Variants in RASEF observed in about 807,000 individuals in gnomAD.
RASEF encodes ras and EF-hand domain-containing protein.
Under a neutral mutation model 90.1 loss-of-function variants are expected in RASEF, and 68 were observed. The ratio of observed to expected loss-of-function variants is 0.75; its 90% CI spans 0.62 to 0.92. The LOEUF (loss-of-function observed/expected upper bound fraction) is 0.92. Among genes scored for constraint, RASEF ranks in the 40% least tolerant of loss-of-function variants. The probability of loss-of-function intolerance (pLI) is 0.00; values close to 1 mark genes in which losing one functional copy is unlikely to be tolerated. For missense variants in RASEF, 949 were observed against 937.2 expected, an observed-to-expected ratio of 1.01 and a Z score of -0.16; for synonymous variants, 331 against 345.2, an observed-to-expected ratio of 0.96 and a Z score of 0.46.
chr9:82,998,514 TCTTTAGATGAAGC>T (rs1451195465), intron 12 of RASEF, 68 bp from the exon 13 acceptor site: 7 of 1,026,368 alleles, frequency 6.8e-6, no homozygotes, highest in Non-Finnish European at 1.1e-5. Flanking sequence ...TTTCAAGCCT[TCTTTAGATGAAGC>T]AAAAGCCAAT....
chr9:83,172,227 T>C, the RASEF span, among the ~76,000 whole-genome samples: 1 of 151,802 alleles, frequency 6.6e-6, no homozygotes, highest in Non-Finnish European at 1.5e-5. Flanking sequence ...TTCATCTTCT[T>C]ATCAATTTCT....
chr9:83,016,138 C>A (rs1428013349), intron 3 of RASEF, among the ~76,000 whole-genome samples: 7 of 152,156 alleles, frequency 4.6e-5, no homozygotes, highest in Admixed American at 4.6e-4. Context: ...ACACACCTCA[C>A]CCGGGAGTGA....
intron 2 of RASEF, among the ~76,000 whole-genome samples, chr9:83,025,360 T>C (rs1014855476): frequency 6.6e-6 from 1 of 152,130 alleles, no homozygotes; most frequent in Non-Finnish European, 1.5e-5. Context: ...AAGATATTCA[T>C]CCTCATTTTG....
the RASEF span, among the ~76,000 whole-genome samples, chr9:83,218,484 C>G: frequency 6.6e-6 from 1 of 152,026 alleles, no homozygotes; most frequent in African/African-American, 2.4e-5. Context: ...TCCTAGGACT[C>G]CATCATACCC....
chr9:83,144,023 C>T, the RASEF span, among the ~76,000 whole-genome samples: 1 of 151,960 alleles, frequency 6.6e-6, no homozygotes, highest in Non-Finnish European at 1.5e-5. Context: ...GAGGTGGAGG[C>T]CATTATCCTA....
chr9:83,048,895 G>A (rs1291971531), intron 1 of RASEF: 17 of 366,276 alleles, frequency 4.6e-5, no homozygotes, highest in Non-Finnish European at 5.7e-5. Context: ...TTGGGAGGCC[G>A]AGGAAGGCGG....
chr9:83,079,876 CT>C, the RASEF span, among the ~76,000 whole-genome samples: 3,070 of 151,690 alleles, frequency 0.02, 84 homozygotes, highest in African/African-American at 0.07. Flanking sequence ...AATAGCTAAA[CT>C]ATGTTAACAG....
At chr9:83,194,687 T>A in the RASEF span, among the ~76,000 whole-genome samples, 1 of 152,184 alleles carries the variant, frequency 6.6e-6, no homozygotes, top group African/African-American at 2.4e-5. Flanking sequence ...TTATCTCTTC[T>A]CCCCCGTTTA....
chr9:83,007,979 C>T (rs563265728), intron 6 of RASEF, among the ~76,000 whole-genome samples: 76 of 152,262 alleles, frequency 5.0e-4, no homozygotes, highest in African/African-American at 1.8e-3. Context: ...CTTCCTCTTT[C>T]CATCTCACAC....
the RASEF span, among the ~76,000 whole-genome samples, chr9:83,213,608 C>T: frequency 6.6e-6 from 1 of 152,086 alleles, no homozygotes; most frequent in Non-Finnish European, 1.5e-5. Flanking sequence ...CTCATTTTCT[C>T]CACCCCTACT....
the RASEF span, among the ~76,000 whole-genome samples, chr9:83,093,657 C>G: frequency 2.0e-5 from 3 of 152,308 alleles, no homozygotes; most frequent in Admixed American, 2.0e-4. Context: ...GCAAGGGCCG[C>G]ACGCAGCCCC....
the RASEF span, among the ~76,000 whole-genome samples, chr9:83,135,572 T>G: frequency 6.6e-6 from 1 of 152,166 alleles, no homozygotes; most frequent in Non-Finnish European, 1.5e-5. Context: ...AATTTATATC[T>G]CAATAAACCA....
At chr9:83,059,749 C>A (rs1830172805) in intron 1 of RASEF, among the ~76,000 whole-genome samples, 1 of 152,074 alleles carries the variant, frequency 6.6e-6, no homozygotes, top group Non-Finnish European at 1.5e-5. Flanking sequence ...TCAAACTGAC[C>A]AGGAAGTGGT....
the RASEF span, among the ~76,000 whole-genome samples, chr9:83,089,977 T>C: frequency 1.3e-5 from 2 of 152,174 alleles, no homozygotes; most frequent in African/African-American, 2.4e-5. Flanking sequence ...TAGATGCATA[T>C]GTTGGTCTGC....
At chr9:83,039,333 C>A (rs1829797820) in intron 1 of RASEF, among the ~76,000 whole-genome samples, 1 of 152,154 alleles carries the variant, frequency 6.6e-6, no homozygotes, top group African/African-American at 2.4e-5. Context: ...CTCATATCCC[C>A]TGTAGCACCC....
intron 1 of RASEF, among the ~76,000 whole-genome samples, chr9:83,060,611 G>A (rs925755334): frequency 3.9e-5 from 6 of 152,158 alleles, no homozygotes; most frequent in African/African-American, 1.4e-4. Context: ...ACAAAAAAGT[G>A]TTTAAATCAC....
chr9:83,158,829 TACAC>T, the RASEF span, among the ~76,000 whole-genome samples: 3 of 149,948 alleles, frequency 2.0e-5, no homozygotes, highest in Admixed American at 6.7e-5. Flanking sequence ...CACACAGACA[TACAC>T]ACACACACAC....
At chr9:83,015,142 C>T (rs548303912) in intron 4 of RASEF, among the ~76,000 whole-genome samples, 1 of 152,154 alleles carries the variant, frequency 6.6e-6, no homozygotes, top group South Asian at 2.1e-4. Flanking sequence ...TCCCTGAATA[C>T]TTACCATGCA....
chr9:83,201,738 A>G, the RASEF span, among the ~76,000 whole-genome samples: 1 of 152,126 alleles, frequency 6.6e-6, no homozygotes, highest in East Asian at 1.9e-4. Flanking sequence ...AGTAAGGAAA[A>G]ATGCTCAGCA....
Sources: gnomAD v4.1 joint callset for allele counts (sites outside exome capture counted in the v4.1 genomes callset) on GRCh38, gnomAD v4.1.1 for gene constraint, MANE v1.5 for transcripts, NCBI Gene and HGNC (gene_info 2026-07-23, HGNC 2026-07-21) for gene names.